The following SHB variants were observed in gnomAD, a reference collection of about 807,000 sequenced individuals.
The protein encoded by SHB is SH2 domain-containing adapter protein B.
Under a neutral mutation model 52.3 loss-of-function variants are expected in SHB, and 20 were observed. That is an observed-to-expected ratio of 0.38 (90% CI 0.27 to 0.56). The LOEUF (loss-of-function observed/expected upper bound fraction) is 0.56. Among genes scored for constraint, SHB ranks in the 20% least tolerant of loss-of-function variants. SHB has a pLI of 0.71. For synonymous variants in SHB, 397 were observed against 316.5 expected, an observed-to-expected ratio of 1.25 and a Z score of -2.70; for missense variants, 825 against 723.3, an observed-to-expected ratio of 1.14 and a Z score of -1.61.
chr9:38,019,232 C>T (rs1356450579), intron 1 of SHB, among the ~76,000 whole-genome samples: 2 of 152,046 alleles, frequency 1.3e-5, no homozygotes, highest in East Asian at 1.9e-4. Context: ...CAGGCAAGCA[C>T]CTTTCTTGCT....
Position 37,919,853 on chromosome 9 carries a change from G to A in SHB, c.1498C>T (p.Leu500Phe). The A allele has an allele frequency of 1.9e-6, 3 of 1,614,022 alleles. No homozygotes were observed. Among genetic ancestry groups the A allele is most frequent in the Non-Finnish European group, 2.5e-6 (3 of 1,179,998 alleles). The change falls in exon 6 of 6, where the codon CTC (leucine) becomes TTC (phenylalanine). Residue 500 changes from leucine to phenylalanine, a missense_variant. Coordinates refer to ENST00000377707, the MANE Select transcript of SHB (RefSeq NM_003028.3). ...GTCCTCACAGCCACGGGATAGAGGA[G>A]GGACAAGTGCTCAGCCCCTTTGATG... ...LPIKGAEHLS[L>F]LYPVAVRTL
intron 5 of SHB, among the ~76,000 whole-genome samples, chr9:37,932,975 T>C (rs1258420387): frequency 2.6e-5 from 4 of 152,230 alleles, no homozygotes; most frequent in East Asian, 1.9e-4. Context: ...ATCTTCATTA[T>C]ACACAATAAA....
chr9:37,981,151 C>T (rs1438132706), intron 2 of SHB, among the ~76,000 whole-genome samples: 2 of 152,234 alleles, frequency 1.3e-5, no homozygotes, highest in East Asian at 3.8e-4. Flanking sequence ...ATTGACTTCC[C>T]TATGGCTCTG....
At chr9:37,950,115 T>A (rs539727789) in intron 4 of SHB, among the ~76,000 whole-genome samples, 1 of 152,202 alleles carries the variant, frequency 6.6e-6, no homozygotes, top group East Asian at 1.9e-4. Context: ...TTTTAAAATC[T>A]TTTCTAGAGA....
At chr9:38,033,363 C>T (rs889965673) in intron 1 of SHB, among the ~76,000 whole-genome samples, 1 of 152,126 alleles carries the variant, frequency 6.6e-6, no homozygotes, top group African/African-American at 2.4e-5. Context: ...GGGAGGGGGC[C>T]CTTCCAACCC....
intron 1 of SHB, among the ~76,000 whole-genome samples, chr9:38,042,103 A>G (rs1007041552): frequency 6.6e-6 from 1 of 152,218 alleles, no homozygotes; most frequent in Non-Finnish European, 1.5e-5. Context: ...TTTGGAGCGC[A>G]GGCCCTAGGG....
intron 5 of SHB, among the ~76,000 whole-genome samples, chr9:37,933,286 G>A (rs1832333916): frequency 6.6e-6 from 1 of 152,244 alleles, no homozygotes; most frequent in Non-Finnish European, 1.5e-5. Flanking sequence ...TCCACTGAAA[G>A]CTAAGTAAAG....
chr9:37,950,047 C>G (rs1321762323), intron 4 of SHB, among the ~76,000 whole-genome samples: 1 of 152,210 alleles, frequency 6.6e-6, no homozygotes, highest in Admixed American at 6.5e-5. Context: ...AGCAATCCCC[C>G]CAACCCCCAG....
intron 2 of SHB, among the ~76,000 whole-genome samples, chr9:38,009,407 C>G (rs1821109802): frequency 6.6e-6 from 1 of 152,244 alleles, no homozygotes; most frequent in African/African-American, 2.4e-5. Context: ...TTTATGAAGT[C>G]ACTCCAGACC....
At chr9:37,923,453 C>A (rs985643759) in intron 5 of SHB, among the ~76,000 whole-genome samples, 14 of 152,326 alleles carry the variant, frequency 9.2e-5, no homozygotes, top group Non-Finnish European at 4.4e-5. Context: ...ACCGCCCCCC[C>A]AGGGGTCCGA....
At chr9:38,021,076 A>G (rs1564103668) in intron 1 of SHB, among the ~76,000 whole-genome samples, 1 of 152,220 alleles carries the variant, frequency 6.6e-6, no homozygotes, top group Non-Finnish European at 1.5e-5. Flanking sequence ...AGTGGCTCAC[A>G]TCTGTAATCC....
intron 2 of SHB, among the ~76,000 whole-genome samples, chr9:38,004,303 G>A (rs1821054485): frequency 6.6e-6 from 1 of 152,146 alleles, no homozygotes; most frequent in Non-Finnish European, 1.5e-5. Flanking sequence ...ACAGGCACCT[G>A]GGGAAAGCAG....
In SHB at chr9:38,067,978, T is replaced by G; in HGVS notation, c.668A>C (p.Lys223Thr). The G allele has an allele frequency of 3.2e-6, 5 of 1,552,902 alleles. No homozygotes were observed. Among genetic ancestry groups the G allele is most frequent in the Non-Finnish European group, 4.3e-6 (5 of 1,159,132 alleles). The change falls in exon 1 of 6, where the codon AAG (lysine) becomes ACG (threonine). Residue 223 changes from lysine (K) to threonine (T), a missense_variant. Lys to Thr is a moderately conservative substitution (Grantham distance 78). Coordinates refer to ENST00000377707, the MANE Select transcript of SHB (RefSeq NM_003028.3). ...CTCCTCCGCGGCTGAGGCGGCGCAC[T>G]TGTTGAGCAGTTTCTTGCCTCCGCA... ...TACGGKKLLN[K>T]CAASAAEESG...
intron 1 of SHB, among the ~76,000 whole-genome samples, chr9:38,055,935 A>AC (rs1821808809): frequency 6.6e-6 from 1 of 152,164 alleles, no homozygotes; most frequent in Non-Finnish European, 1.5e-5. Flanking sequence ...CACACACCAC[A>AC]GCAGGTTTGG....
intron 4 of SHB, among the ~76,000 whole-genome samples, chr9:37,952,517 T>C (rs534991547): frequency 1.3e-5 from 2 of 152,250 alleles, no homozygotes; most frequent in Admixed American, 1.3e-4. Context: ...ATAAGAGTTT[T>C]AAGAGATGTT....
chr9:37,973,920 C>T (rs1054204017), intron 3 of SHB, among the ~76,000 whole-genome samples: 3 of 152,196 alleles, frequency 2.0e-5, no homozygotes, highest in African/African-American at 7.2e-5. Context: ...AGCTGCTGTG[C>T]ACACTGGGTT....
chr9:38,041,695 G>A (rs1564108737), intron 1 of SHB, among the ~76,000 whole-genome samples: 1 of 152,166 alleles, frequency 6.6e-6, no homozygotes, highest in Non-Finnish European at 1.5e-5. Flanking sequence ...GCCACTGGTG[G>A]TTCTGAGAAG....
chr9:38,006,670 G>A (rs866073699), intron 2 of SHB, among the ~76,000 whole-genome samples: 1 of 152,294 alleles, frequency 6.6e-6, no homozygotes, highest in African/African-American at 2.4e-5. Flanking sequence ...GATGTGTTCC[G>A]AGGGGCCTGA....
At chr9:37,926,110 G>A (rs556821185) in intron 5 of SHB, among the ~76,000 whole-genome samples, 10 of 152,134 alleles carry the variant, frequency 6.6e-5, no homozygotes, top group Admixed American at 3.3e-4. Context: ...TGTGATGTGG[G>A]TGAGAGCCAG....
Sources: gnomAD v4.1 joint callset for allele counts (sites outside exome capture counted in the v4.1 genomes callset) on GRCh38, gnomAD v4.1.1 for gene constraint, MANE v1.5 for transcripts, NCBI Gene and HGNC (gene_info 2026-07-23, HGNC 2026-07-21) for gene names.